GPR158: variants seen among roughly 807,000 people sequenced by gnomAD.
GPR158 encodes G protein-coupled receptor 158.
In GPR158, 30 loss-of-function variants were observed where a neutral mutation model predicts 78.2. That is an observed-to-expected ratio of 0.38 (90% CI 0.29 to 0.52). The LOEUF is 0.52. GPR158 is among the 20% of genes least tolerant of loss of function. GPR158 has a pLI of 0.83. For missense variants in GPR158, 1,463 were observed against 1,523.5 expected (o/e 0.96, Z 0.66); for synonymous variants, 581 against 591.1 (o/e 0.98, Z 0.25).
chr10:25,594,122 T>G (rs1275684133), intron 8 of GPR158, 170 bp from the exon 9 acceptor site: 12 of 532,364 alleles, frequency 2.3e-5, no homozygotes, highest in Non-Finnish European at 3.3e-6. Flanking sequence ...ATGCATCAAA[T>G]TAAGCTTAGA....
chr10:25,294,137 T>C (rs1300943667), intron 2 of GPR158, among the ~76,000 whole-genome samples: 1 of 152,262 alleles, frequency 6.6e-6, no homozygotes, highest in Non-Finnish European at 1.5e-5. Context: ...ACTACATTTA[T>C]ATTGTTATTG....
At chr10:25,302,545 C>T (rs976782107) in intron 2 of GPR158, among the ~76,000 whole-genome samples, 5 of 152,118 alleles carry the variant, frequency 3.3e-5, no homozygotes, top group Admixed American at 3.3e-4. Context: ...AGAATACATC[C>T]TCCCTTTGGA....
At chr10:25,336,091 T>G (rs983350653) in intron 2 of GPR158, among the ~76,000 whole-genome samples, 16 of 152,070 alleles carry the variant, frequency 1.1e-4, no homozygotes, top group African/African-American at 3.9e-4. Context: ...ATACTATTAT[T>G]GTAAAAAAAT....
intron 5 of GPR158, among the ~76,000 whole-genome samples, chr10:25,537,035 C>A (rs946443668): frequency 6.6e-6 from 1 of 152,200 alleles, no homozygotes; most frequent in Non-Finnish European, 1.5e-5. Flanking sequence ...CACTTCCAGG[C>A]TAAACTCCAC....
chr10:25,191,789 C>T (rs1852774867), intron 1 of GPR158, among the ~76,000 whole-genome samples: 1 of 152,130 alleles, frequency 6.6e-6, no homozygotes, highest in Non-Finnish European at 1.5e-5. Context: ...TTTATGAAGG[C>T]AGGGGGCTCA....
At chr10:25,204,347 A>T (rs904326015) in intron 1 of GPR158, among the ~76,000 whole-genome samples, 33 of 152,140 alleles carry the variant, frequency 2.2e-4, no homozygotes, top group African/African-American at 6.0e-4. Flanking sequence ...TCAAAGGGAA[A>T]GCTTCCAGTT....
At chr10:25,230,538 A>G (rs1425598963) in intron 2 of GPR158, among the ~76,000 whole-genome samples, 2 of 151,928 alleles carry the variant, frequency 1.3e-5, no homozygotes, top group Non-Finnish European at 1.5e-5. Context: ...TTTTTGAAGA[A>G]TCAAAGAAAT....
At chr10:25,436,163 A>C (rs1834994835) in intron 4 of GPR158, among the ~76,000 whole-genome samples, 1 of 152,232 alleles carries the variant, frequency 6.6e-6, no homozygotes, top group African/African-American at 2.4e-5. Context: ...ATAAACAATG[A>C]ATAATGTTAT....
rs532748175 is a variant in GPR158 at position 25,205,322 on chromosome 10, T to C, written c.903-15730T>C. ...AAATAGTGTTCTATTTTTTTTTTTT[T>C]CCCAAAAAACCTACTCCTGGATTCA... On this transcript the variant is annotated intron_variant, in intron 1 of 10. Transcript: ENST00000376351. Among the ~76,000 whole-genome samples, 206 of 149,324 alleles carry C rather than the reference T, an allele frequency of 1.4e-3. 1 individual carries two copies. Among genetic ancestry groups the C allele is most frequent in the African/African-American group, 3.9e-3 (156 of 40,414 alleles).
chr10:25,541,116 A>G (rs1836577002), intron 5 of GPR158, among the ~76,000 whole-genome samples: 1 of 151,770 alleles, frequency 6.6e-6, no homozygotes, highest in Admixed American at 6.6e-5. Flanking sequence ...CTGTTCCTCC[A>G]TATACATATC....
At chr10:25,372,569 G>T (rs1022498007) in intron 2 of GPR158, among the ~76,000 whole-genome samples, 2 of 147,620 alleles carry the variant, frequency 1.4e-5, no homozygotes, top group African/African-American at 2.5e-5. Context: ...GGACATGGAC[G>T]AAATTGGAAA....
chr10:25,282,993 T>C (rs1284520442), intron 2 of GPR158, among the ~76,000 whole-genome samples: 1 of 152,106 alleles, frequency 6.6e-6, no homozygotes, highest in Non-Finnish European at 1.5e-5. Flanking sequence ...GTCTTTCTGG[T>C]TTTGACATCA....
intron 5 of GPR158, among the ~76,000 whole-genome samples, chr10:25,538,022 C>A (rs564939233): frequency 1.3e-5 from 2 of 152,214 alleles, no homozygotes; most frequent in East Asian, 3.9e-4. Flanking sequence ...AATACACTGT[C>A]CATTTTAGAA....
chr10:25,200,373 G>T, intron 1 of GPR158, among the ~76,000 whole-genome samples: 1 of 151,820 alleles, frequency 6.6e-6, no homozygotes, highest in East Asian at 1.9e-4. Context: ...TCTGTTTTTT[G>T]CTTGTAAATG....
At chr10:25,329,219 G>A (rs1312995859) in intron 2 of GPR158, among the ~76,000 whole-genome samples, 3 of 151,854 alleles carry the variant, frequency 2.0e-5, no homozygotes, top group South Asian at 2.1e-4. Context: ...GGCAGATCAC[G>A]AGGTCAGGAG....
intron 6 of GPR158, 88 bp downstream of exon 6, chr10:25,551,173 A>G (rs1268945958): frequency 2.1e-5 from 16 of 766,872 alleles, no homozygotes; most frequent in Admixed American, 5.7e-5. Flanking sequence ...GACCACTTAA[A>G]TGGCTCAGTT....
chr10:25,438,148 T>A (rs1588864430), intron 4 of GPR158, among the ~76,000 whole-genome samples: 1 of 152,134 alleles, frequency 6.6e-6, no homozygotes, highest in East Asian at 1.9e-4. Flanking sequence ...TACCTTGAAT[T>A]TTCTGGCTGG....
chr10:25,390,069 C>G (rs896749817), intron 2 of GPR158, among the ~76,000 whole-genome samples: 4 of 152,166 alleles, frequency 2.6e-5, no homozygotes, highest in African/African-American at 9.7e-5. Flanking sequence ...GTAAGACATG[C>G]TTTGGCTCCT....
At chr10:25,583,752 T>C (rs1018765179) in intron 7 of GPR158, among the ~76,000 whole-genome samples, 7 of 152,184 alleles carry the variant, frequency 4.6e-5, no homozygotes, top group African/African-American at 1.4e-4. Context: ...AAATAAAACC[T>C]AAACGTTTTA....
Sources: allele counts gnomAD v4.1 joint callset (sites outside exome capture counted in the v4.1 genomes callset), GRCh38; gene constraint gnomAD v4.1.1; transcripts MANE v1.5; gene names NCBI Gene and HGNC (gene_info 2026-07-23, HGNC 2026-07-21).